Variants in RAPGEF2 observed in about 807,000 individuals in gnomAD.
RAPGEF2 encodes PDZ domain containing guanine nucleotide exchange factor (GEF) 1.
In RAPGEF2, 54 loss-of-function variants were observed where a neutral mutation model predicts 186.7. The observed-to-expected ratio is 0.29, with a 90% CI of 0.23 to 0.36. The LOEUF (loss-of-function observed/expected upper bound fraction) is 0.36, where lower values mean the gene tolerates loss of function less well. Ranked by LOEUF, RAPGEF2 falls within the 10% of genes least tolerant of loss-of-function variation. The pLI, the probability that RAPGEF2 is intolerant of heterozygous loss-of-function variation, is 1.00. For synonymous variants in RAPGEF2, 712 were observed against 705.9 expected (o/e 1.01, Z -0.14); for missense variants, 1,532 against 2,045.0 (o/e 0.75, Z 4.84).
chr4:159,245,731 C>G (rs897891479), intron 7 of RAPGEF2, among the ~76,000 whole-genome samples: 1 of 152,054 alleles, frequency 6.6e-6, no homozygotes, highest in African/African-American at 2.4e-5. Context: ...GCACATTCCT[C>G]TTCCATCATC....
rs1218838888 is a variant in RAPGEF2, at chr4:159,358,282, T to C, written c.*143T>C. On this transcript the variant is annotated 3_prime_UTR_variant, in exon 30 of 30. Transcript: ENST00000691494. ...CCCTGCCTTAAAAGCAGCATGGGGC[T>C]TCTTCTCCCCTTCTTCCTTTCCCCT... is the stretch of plus-strand genomic sequence containing the variant. The C allele has an allele frequency of 2.7e-5, 19 of 709,050 alleles. No homozygotes were observed. Among genetic ancestry groups the C allele is most frequent in the Non-Finnish European group, 4.2e-5 (18 of 425,606 alleles). 43.9% of individuals were successfully genotyped at this position (709,050 alleles called of 1,614,324 possible). A position where few individuals can be genotyped will look rare whatever the true frequency, so the allele number is the denominator to read the frequency against.
At chr4:159,153,254 T>G (rs187798047) in intron 1 of RAPGEF2, among the ~76,000 whole-genome samples, 9 of 152,290 alleles carry the variant, frequency 5.9e-5, no homozygotes, top group Non-Finnish European at 1.3e-4. Flanking sequence ...GACTGTACAT[T>G]GAAACATCTG....
At chr4:159,279,592 TC>T (rs1404892543) in intron 7 of RAPGEF2, among the ~76,000 whole-genome samples, 1 of 152,246 alleles carries the variant, frequency 6.6e-6, no homozygotes, top group Admixed American at 6.5e-5. Context: ...ATTTTATTGT[TC>T]CTCAGTCTTA....
At chr4:159,317,360 A>T (rs933627080) in intron 9 of RAPGEF2, among the ~76,000 whole-genome samples, 1 of 152,172 alleles carries the variant, frequency 6.6e-6, no homozygotes, top group African/African-American at 2.4e-5. Context: ...TCAGTGCTGA[A>T]CAAGGGCAAA....
In RAPGEF2 at chr4:159,257,927, C is replaced by T. The variant is rs1248537515; in HGVS notation, c.543+14136C>T. 5.9e-5 allele frequency among the ~76,000 whole-genome samples: 9 copies of T among 152,060 alleles called. No homozygotes were observed. The East Asian group carries it at 1.2e-3, about 20-fold the overall frequency. Reference sequence around the variant, plus strand: ...ATGGGCTCTTTCATCCCTGATTTCTCGTTTCTTGTCCTATCCCATTTAAAG... The same window carrying T: ...ATGGGCTCTTTCATCCCTGATTTCTTGTTTCTTGTCCTATCCCATTTAAAG... On this transcript the variant is annotated intron_variant, in intron 7 of 29. Coordinates refer to ENST00000691494, the MANE Select transcript of RAPGEF2 (RefSeq NM_001394067.2).
At chr4:159,198,367 T>TTC (rs1749030997) in intron 3 of RAPGEF2, among the ~76,000 whole-genome samples, 1 of 123,522 alleles carries the variant, frequency 8.1e-6, no homozygotes, top group Non-Finnish European at 1.8e-5. Flanking sequence ...TCCTTCCTTT[T>TTC]TTTCTTTCTT....
At position 159,295,710 on chromosome 4, in the gene RAPGEF2, A is replaced by G. The variant is rs1427102833; in HGVS notation, c.544-8632A>G. On this transcript the variant is annotated intron_variant, in intron 7 of 29. Coordinates refer to ENST00000691494, the MANE Select transcript of RAPGEF2 (RefSeq NM_001394067.2). Reference sequence around the variant, plus strand: ...ATTAGTTGACTAGCATAAGAGAGAGAGAGTGTGTGAGTGTGTGTGTGTGTG... The same window carrying G: ...ATTAGTTGACTAGCATAAGAGAGAGGGAGTGTGTGAGTGTGTGTGTGTGTG... 7.7e-5 allele frequency among the ~76,000 whole-genome samples: 9 copies of G among 117,108 alleles called. No homozygotes were observed. The Admixed American group carries it at 7.7e-4, about 10-fold the overall frequency. 76.8% of individuals were successfully genotyped at this position (117,108 alleles called of 152,430 possible).
chr4:159,105,937 A>T (rs1737818171), intron 1 of RAPGEF2, among the ~76,000 whole-genome samples: 1 of 152,244 alleles, frequency 6.6e-6, no homozygotes, highest in Non-Finnish European at 1.5e-5. Context: ...TTGATTAGTT[A>T]GAAGAATAAC....
chr4:159,301,140 A>T (rs1012762068), intron 7 of RAPGEF2, among the ~76,000 whole-genome samples: 1 of 152,194 alleles, frequency 6.6e-6, no homozygotes. Flanking sequence ...TAGGAGGCCA[A>T]GGCGGGTGGA....
Position 159,355,896 on chromosome 4 carries a change from C to CCCCCCCCAA in RAPGEF2, c.4695_4696insCCCCCCCAA (p.Pro1565_Gly1566insProProGln). 4 of 1,555,758 alleles carry CCCCCCCCAA rather than the reference C, an allele frequency of 2.6e-6. No individual in the cohort carries two copies. The highest frequency in any genetic ancestry group is 3.5e-6 in the Non-Finnish European group (4 of 1,149,278). The stretch of plus-strand genomic sequence containing the variant: ...ATCGAGAGCCCCCGCCCACCCCTCC[C>CCCCCCCCAA]GGCTACATTGGAATTCCCATTACTG... On this transcript the variant is annotated inframe_insertion, in exon 29 of 30. Coordinates refer to ENST00000691494, the MANE Select transcript of RAPGEF2 (RefSeq NM_001394067.2).
At chr4:159,258,147 C>G (rs1203617228) in intron 7 of RAPGEF2, among the ~76,000 whole-genome samples, 2 of 152,032 alleles carry the variant, frequency 1.3e-5, no homozygotes, top group African/African-American at 4.8e-5. Context: ...TTGTAAATAT[C>G]AAAATGGTAG....
At chr4:159,177,281 A>G (rs770597434) in intron 1 of RAPGEF2, among the ~76,000 whole-genome samples, 2 of 151,102 alleles carry the variant, frequency 1.3e-5, no homozygotes, top group Non-Finnish European at 2.9e-5. Context: ...AAATTCTGAT[A>G]TATATAGTGT....
intron 1 of RAPGEF2, among the ~76,000 whole-genome samples, chr4:159,133,925 G>T (rs1025478441): frequency 9.2e-5 from 14 of 151,830 alleles, no homozygotes; most frequent in Non-Finnish European, 1.6e-4. Context: ...CACCATGTTG[G>T]CCAGGCTGGT....
intron 1 of RAPGEF2, among the ~76,000 whole-genome samples, chr4:159,114,759 A>T (rs778837025): frequency 5.9e-5 from 9 of 152,208 alleles, no homozygotes; most frequent in Non-Finnish European, 1.2e-4. Context: ...ATGAAATTTA[A>T]ATTGTAGATT....
chr4:159,238,963 T>C, intron 5 of RAPGEF2, 79 bp downstream of exon 5: 1 of 811,120 alleles, frequency 1.2e-6, no homozygotes. Context: ...CTGCTTATAA[T>C]ATTAGATTTT....
At chr4:159,201,560 G>A (rs759360858) in intron 3 of RAPGEF2, among the ~76,000 whole-genome samples, 1 of 152,272 alleles carries the variant, frequency 6.6e-6, no homozygotes, top group South Asian at 2.1e-4. Context: ...TGGCATAATC[G>A]TATATTTGAG....
chr4:159,154,836 T>G (rs1304188538), intron 1 of RAPGEF2, among the ~76,000 whole-genome samples: 2 of 152,174 alleles, frequency 1.3e-5, no homozygotes, highest in African/African-American at 4.8e-5. Flanking sequence ...GAATTCTATA[T>G]TAGGCCAAGT....
At chr4:159,141,890 G>T (rs184626482) in intron 1 of RAPGEF2, among the ~76,000 whole-genome samples, 1 of 152,248 alleles carries the variant, frequency 6.6e-6, no homozygotes, top group East Asian at 1.9e-4. Flanking sequence ...ATTAAGTGGA[G>T]AGACAGGCTC....
chr4:159,110,844 TAGG>T (rs1163313120), intron 1 of RAPGEF2, among the ~76,000 whole-genome samples: 3 of 152,136 alleles, frequency 2.0e-5, no homozygotes, highest in African/African-American at 4.8e-5. Flanking sequence ...GTTGGTAAAT[TAGG>T]AGAAGCAATC....
Sources: allele counts gnomAD v4.1 joint callset (sites outside exome capture counted in the v4.1 genomes callset), GRCh38; gene constraint gnomAD v4.1.1; transcripts MANE v1.5; gene names NCBI Gene and HGNC (gene_info 2026-07-23, HGNC 2026-07-21).